The following ANKRD13A variants were observed in gnomAD, a reference collection of about 807,000 sequenced individuals.
The protein encoded by ANKRD13A is ankyrin repeat domain-containing protein 13A.
ANKRD13A carries 48 observed loss-of-function variants against 81.3 expected under a neutral mutation model. That is an observed-to-expected ratio of 0.59 (90% CI 0.47 to 0.75). The LOEUF is 0.75. ANKRD13A is among the 30% of genes least tolerant of loss of function. The pLI, the probability that ANKRD13A is intolerant of heterozygous loss-of-function variation, is 0.00. For missense variants in ANKRD13A, 612 were observed against 734.0 expected (o/e 0.83, Z 1.92); for synonymous variants, 230 against 270.1 (o/e 0.85, Z 1.45).
chr12:110,038,715 C>T lies in ANKRD13A; in HGVS notation c.*1161C>T, dbSNP rs193290900. On this transcript the variant is annotated 3_prime_UTR_variant, in exon 15 of 15. Coordinates refer to ENST00000261739, the MANE Select transcript of ANKRD13A (RefSeq NM_033121.2). ...CCATCAGTAGCAATACAAGGTTATACATTTTAACCAGATTTTCTCAGGCCT... is the reference window on the plus strand; with the variant it reads ...CCATCAGTAGCAATACAAGGTTATATATTTTAACCAGATTTTCTCAGGCCT... 2 of 152,696 alleles carry T rather than the reference C, an allele frequency of 1.3e-5. No homozygotes were observed. The highest frequency in any genetic ancestry group is 3.9e-4 in the East Asian group (2 of 5,186). 9.5% of individuals were successfully genotyped at this position (152,696 alleles called of 1,614,324 possible).
At chr12:110,025,194 A>G (rs1160053594) in intron 7 of ANKRD13A, among the ~76,000 whole-genome samples, 4 of 152,122 alleles carry the variant, frequency 2.6e-5, no homozygotes, top group Non-Finnish European at 5.9e-5. Flanking sequence ...CGTCTCTACT[A>G]AAAATACGAA....
chr12:110,001,043 C>T (rs537191353), intron 1 of ANKRD13A, among the ~76,000 whole-genome samples: 6 of 151,810 alleles, frequency 4.0e-5, no homozygotes, highest in Non-Finnish European at 8.8e-5. Context: ...AGGTGTGAGC[C>T]ACCACGCCTG....
rs112192220 is a variant in ANKRD13A, at chr12:110,038,946, G to C, written c.*1392G>C. The stretch of plus-strand genomic sequence containing the variant: ...TATTTCTTCTATTGTGCTTCTTTGG[G>C]GATAGGAAGAGAAACATAACTACTG... On this transcript the variant is annotated 3_prime_UTR_variant, in exon 15 of 15. Coordinates refer to ENST00000261739, the MANE Select transcript of ANKRD13A (RefSeq NM_033121.2). 2.0e-5 allele frequency: 3 copies of C among 152,268 alleles called. No individual in the cohort carries two copies. Among genetic ancestry groups the C allele is most frequent in the Admixed American group, 6.5e-5 (1 of 15,288 alleles). 9.4% of individuals were successfully genotyped at this position (152,268 alleles called of 1,614,324 possible). A position where few individuals can be genotyped will look rare whatever the true frequency, so the allele number is the denominator to read the frequency against.
intron 1 of ANKRD13A, among the ~76,000 whole-genome samples, chr12:110,007,643 G>A (rs950788398): frequency 3.9e-5 from 6 of 152,250 alleles, no homozygotes; most frequent in African/African-American, 1.4e-4. Flanking sequence ...GCCTCCCCAA[G>A]TGCTGGGATT....
chr12:110,028,013 CGAG>C (rs769945860), intron 9 of ANKRD13A: 39 of 493,840 alleles, frequency 7.9e-5, no homozygotes, highest in Non-Finnish European at 1.2e-4. Context: ...CCATTATAAA[CGAG>C]GGGCCTCTTT....
intron 3 of ANKRD13A, among the ~76,000 whole-genome samples, chr12:110,015,399 T>A (rs1373860428): frequency 6.6e-6 from 1 of 152,256 alleles, no homozygotes; most frequent in Non-Finnish European, 1.5e-5. Flanking sequence ...GCCCTTTGCC[T>A]AGAATAGGTG....
intron 1 of ANKRD13A, among the ~76,000 whole-genome samples, chr12:110,007,714 T>A (rs533096315): frequency 2.6e-5 from 4 of 152,340 alleles, no homozygotes; most frequent in Non-Finnish European, 5.9e-5. Context: ...CAATGTTTTA[T>A]GGTTTAAGAG....
intron 11 of ANKRD13A, 24 bp downstream of exon 11, chr12:110,029,659 A>G: frequency 6.2e-7 from 1 of 1,605,472 alleles, no homozygotes; most frequent in Non-Finnish European, 8.5e-7. Flanking sequence ...AACTTCAGCA[A>G]CACTTGGAGG....
At chr12:110,001,485 A>C (rs1355458934) in intron 1 of ANKRD13A, among the ~76,000 whole-genome samples, 1 of 146,498 alleles carries the variant, frequency 6.8e-6, no homozygotes, top group Non-Finnish European at 1.5e-5. Context: ...TGTCATTCAG[A>C]CTTGAGTGCA....
chr12:110,029,222 T>A, intron 10 of ANKRD13A: 1 of 358,178 alleles, frequency 2.8e-6, no homozygotes, highest in Non-Finnish European at 5.1e-6. Context: ...CCCGCTATCA[T>A]TTCTTCATGC....
intron 10 of ANKRD13A, 199 bp downstream of exon 10, chr12:110,028,841 G>A (rs1263078970): frequency 1.3e-5 from 7 of 528,118 alleles, no homozygotes; most frequent in Non-Finnish European, 2.2e-5. Context: ...AGGTTCAAGC[G>A]GTTCTCCTGC....
At chr12:110,033,737 CA>C in intron 12 of ANKRD13A, 59 bp from the exon 13 acceptor site, 5 of 1,437,998 alleles carry the variant, frequency 3.5e-6, no homozygotes, top group Non-Finnish European at 2.8e-6. Flanking sequence ...AACATTTTTG[CA>C]AAAAGTTGGA....
Position 110,028,663 on chromosome 12 carries a change from A to G in ANKRD13A, c.1076+21A>G, listed in dbSNP as rs747350769. ...CAGAAGTAAGAGAGGTTCAGCTGCC[A>G]TTTTCAACCTATGTATGTTTCAGAA... is the stretch of plus-strand genomic sequence containing the variant. On this transcript the variant is annotated intron_variant, in intron 10 of 14. Coordinates refer to ENST00000261739, the MANE Select transcript of ANKRD13A (RefSeq NM_033121.2). 5.6e-6 allele frequency: 9 copies of G among 1,613,946 alleles called. No homozygotes were observed. In the East Asian group the frequency reaches 1.8e-4, roughly 32 times the overall value.
intron 7 of ANKRD13A, 44 bp downstream of exon 7, chr12:110,024,156 C>T: frequency 6.6e-7 from 1 of 1,526,696 alleles, no homozygotes; most frequent in East Asian, 2.3e-5. Context: ...AGCTATTTAG[C>T]TTCTATGCAA....
chr12:110,029,384 T>C, intron 10 of ANKRD13A, 94 bp from the exon 11 acceptor site: 1 of 1,362,502 alleles, frequency 7.3e-7, no homozygotes, highest in Non-Finnish European at 1.0e-6. Context: ...GAGTGTGGAG[T>C]AAAGCTGCTG....
chr12:110,016,494 G>T, intron 4 of ANKRD13A, 61 bp downstream of exon 4: 1 of 1,446,482 alleles, frequency 6.9e-7, no homozygotes, highest in Non-Finnish European at 9.4e-7. Context: ...CCGCATGTAG[G>T]TTTATTTTTC....
At chr12:110,016,280 CTT>C (rs74731825) in intron 3 of ANKRD13A, 106 bp from the exon 4 acceptor site, 22,918 of 635,564 alleles carry the variant, frequency 0.036, no homozygotes, top group South Asian at 0.047. Context: ...CTTATTTTCT[CTT>C]TTTTTTTTTT....
intron 1 of ANKRD13A, among the ~76,000 whole-genome samples, chr12:110,008,232 A>T (rs1890335903): frequency 6.6e-6 from 1 of 152,070 alleles, no homozygotes; most frequent in African/African-American, 2.4e-5. Context: ...GTTTTGTCAG[A>T]TGTTTTTGCT....
At chr12:110,033,668 C>A in intron 12 of ANKRD13A, 129 bp from the exon 13 acceptor site, 1 of 829,612 alleles carries the variant, frequency 1.2e-6, no homozygotes, top group Non-Finnish European at 1.8e-6. Context: ...CAGAATCTCT[C>A]ATATAATAGT....
Sources: gnomAD v4.1 joint callset for allele counts (sites outside exome capture counted in the v4.1 genomes callset) on GRCh38, gnomAD v4.1.1 for gene constraint, MANE v1.5 for transcripts, NCBI Gene and HGNC (gene_info 2026-07-23, HGNC 2026-07-21) for gene names.